The following CCDC187 variants were observed in gnomAD, a reference collection of about 807,000 sequenced individuals.
The protein encoded by CCDC187 is coiled-coil domain-containing protein 187.
A neutral mutation model predicts 38.0 loss-of-function variants in CCDC187; 32 were observed. The ratio of observed to expected loss-of-function variants is 0.84; its 90% CI spans 0.64 to 1.13. The LOEUF (loss-of-function observed/expected upper bound fraction) is 1.13, where lower values mean the gene tolerates loss of function less well. Among genes scored for constraint, CCDC187 ranks in the 50% most tolerant of loss-of-function variants. CCDC187 has a pLI of 0.00. For missense variants in CCDC187, 707 were observed against 786.8 expected (o/e 0.90, Z 1.21); for synonymous variants, 333 against 347.9 (o/e 0.96, Z 0.48).
intron 9 of CCDC187, among the ~76,000 whole-genome samples, chr9:136,283,166 T>TGAGGC (rs1831086922): frequency 6.6e-6 from 1 of 152,154 alleles, no homozygotes; most frequent in Non-Finnish European, 1.5e-5. Context: ...GGAGAATCGC[T>TGAGGC]TGAACTTGGG....
chr9:136,299,177 T>C (rs1433770908), intron 3 of CCDC187, among the ~76,000 whole-genome samples: 1 of 152,150 alleles, frequency 6.6e-6, no homozygotes, highest in Admixed American at 6.5e-5. Context: ...CGGATCTGGA[T>C]GGACAGGAGT....
chr9:136,293,259 TCA>T lies in CCDC187; in HGVS notation c.833-966_833-965del, dbSNP rs1465617780. On this transcript the variant is annotated intron_variant, in intron 4 of 25. Coordinates refer to ENST00000638797, the MANE Select transcript of CCDC187 (RefSeq NM_001378188.1). ...CGCTCACACTCACATGCTTACACAC[TCA>T]CTCATGCTTTCACACTAACATGCTC... Among the ~76,000 whole-genome samples, 3 of 125,862 alleles carry T rather than the reference TCA, an allele frequency of 2.4e-5. 1 individual carries two copies. Among genetic ancestry groups the T allele is most frequent in the Non-Finnish European group, 3.3e-5 (2 of 60,466 alleles). The allele number at this position is 125,862 out of a possible 152,430, so 82.6% of individuals were successfully genotyped here. A position where few individuals can be genotyped will look rare whatever the true frequency, so the allele number is the denominator to read the frequency against.
chr9:136,257,241 C>CG lies in CCDC187; in HGVS notation c.4367-401dup, dbSNP rs1473864077. On this transcript the variant is annotated intron_variant, in intron 22 of 25. Transcript: ENST00000638797. The surrounding 1 kb of genome is among the most constrained non-coding windows in gnomAD (Gnocchi z 4.5). ...TACAAAAATTAGGCGGGCATGGTGG[C>CG]GGGGGCCTATAATTCCAGCTACTCA... Among the ~76,000 whole-genome samples the CG allele has an allele frequency of 5.3e-5, 8 of 152,056 alleles. No individual in the cohort carries two copies. Among genetic ancestry groups the CG allele is most frequent in the Non-Finnish European group, 8.8e-5 (6 of 68,010 alleles).
At chr9:136,273,878 A>G (rs1588658020) in intron 14 of CCDC187, among the ~76,000 whole-genome samples, 1 of 152,252 alleles carries the variant, frequency 6.6e-6, no homozygotes, top group Non-Finnish European at 1.5e-5. Context: ...CTGGGAAGTC[A>G]CCGCATCTGC....
chr9:136,306,076 G>A (rs1052227481), upstream of CCDC187, among the ~76,000 whole-genome samples: 6 of 152,196 alleles, frequency 3.9e-5, no homozygotes, highest in African/African-American at 1.2e-4. Flanking sequence ...TACGAGGCTC[G>A]GGGCTACTCT....
chr9:136,261,151 C>T (rs1830674009), intron 19 of CCDC187, among the ~76,000 whole-genome samples: 1 of 152,148 alleles, frequency 6.6e-6, no homozygotes, highest in African/African-American at 2.4e-5. Flanking sequence ...CAGCTTCTTC[C>T]TCACTCCCGT....
chr9:136,260,077 G>A lies in CCDC187; in HGVS notation c.4210+42C>T, dbSNP rs577972372. On this transcript the variant is annotated intron_variant, in intron 20 of 25. Coordinates refer to ENST00000638797, the MANE Select transcript of CCDC187 (RefSeq NM_001378188.1). ...ACACTGCCCAGGGCCCACTGAATGAGCATCCGTCTGACCCTGGGCGGTCGC... is the reference window on the plus strand; with the variant it reads ...ACACTGCCCAGGGCCCACTGAATGAACATCCGTCTGACCCTGGGCGGTCGC... The A allele has an allele frequency of 6.1e-6, 6 of 985,230 alleles. No individual in the cohort carries two copies. The East Asian group carries it at 5.7e-4, about 93-fold the overall frequency. The allele number at this position is 985,230 out of a possible 1,614,324, so 61.0% of individuals were successfully genotyped here. A position where few individuals can be genotyped will look rare whatever the true frequency, so the allele number is the denominator to read the frequency against.
At position 136,258,505 on chromosome 9, in the gene CCDC187, C is replaced by T. The variant is rs1487623055; in HGVS notation, c.4366+427G>A. On this transcript the variant is annotated intron_variant, in intron 22 of 25. Coordinates refer to ENST00000638797, the MANE Select transcript of CCDC187 (RefSeq NM_001378188.1). The surrounding 1 kb of genome is among the most constrained non-coding windows in gnomAD (Gnocchi z 4.3). ...TTCCCTGACACTGTGAGTGCATCTGCTCCCGCCCCACCTGCAAATTGGGGA... is the reference window on the plus strand; with the variant it reads ...TTCCCTGACACTGTGAGTGCATCTGTTCCCGCCCCACCTGCAAATTGGGGA... Among the ~76,000 whole-genome samples the T allele has an allele frequency of 5.3e-5, 8 of 152,096 alleles. No homozygotes were observed. The East Asian group carries it at 7.8e-4, about 15-fold the overall frequency.
At chr9:136,294,068 ACAC>A (rs1831467876) in intron 4 of CCDC187, among the ~76,000 whole-genome samples, 12 of 145,404 alleles carry the variant, frequency 8.3e-5, no homozygotes, top group Admixed American at 7.5e-4. Flanking sequence ...GTGCTCTCAC[ACAC>A]TCACACGCTC....
intron 3 of CCDC187, among the ~76,000 whole-genome samples, chr9:136,299,734 C>G (rs1016076460): frequency 3.3e-5 from 5 of 152,210 alleles, no homozygotes; most frequent in Non-Finnish European, 7.3e-5. Context: ...GCCCTTGGCC[C>G]CAGCCCCTTC....
chr9:136,292,178 G>C lies in CCDC187; in HGVS notation c.950C>G (p.Ala317Gly), dbSNP rs1255237755. Residue 317 changes from alanine to glycine, a missense_variant, in exon 5 of 26, where the codon GCT becomes GGT. Transcript: ENST00000638797. ...HHSKDPSRDPALTVDLGDSEK... is the reference protein window; with the variant it reads ...HHSKDPSRDPGLTVDLGDSEK... The stretch of plus-strand genomic sequence containing the variant: ...ACAGGTACCTAAGTCCACGGTGAGA[G>C]CCGGGTCTCTCGAGGGATCCTTGCT... 5.0e-6 allele frequency: 2 copies of C among 398,706 alleles called. No homozygotes were observed. Among genetic ancestry groups the C allele is most frequent in the Non-Finnish European group, 8.8e-6 (2 of 226,234 alleles). 24.7% of individuals were successfully genotyped at this position (398,706 alleles called of 1,614,324 possible).
At position 136,251,310 on chromosome 9, in the gene CCDC187, C is replaced by A. The variant is rs1830532957; in HGVS notation, c.*2284G>T. 3.0e-6 allele frequency: 1 copy of A among 332,370 alleles called. No individual in the cohort carries two copies. Among genetic ancestry groups the A allele is most frequent in the Non-Finnish European group, 6.0e-6 (1 of 166,822 alleles). 20.6% of individuals were successfully genotyped at this position (332,370 alleles called of 1,614,324 possible). On this transcript the variant is annotated 3_prime_UTR_variant, in exon 26 of 26. Coordinates refer to ENST00000638797, the MANE Select transcript of CCDC187 (RefSeq NM_001378188.1). The stretch of plus-strand genomic sequence containing the variant: ...CCCTGGCCTTCCAGGCACAGCAAGT[C>A]CTGAGCATGCTCCAGAAGAGACCTT...
chr9:136,298,729 G>A (rs1831597908), intron 3 of CCDC187, among the ~76,000 whole-genome samples: 1 of 152,222 alleles, frequency 6.6e-6, no homozygotes, highest in Non-Finnish European at 1.5e-5. Flanking sequence ...CCCACTCTAT[G>A]CGGTCCCCAG....
Position 136,291,014 on chromosome 9 carries a change from A to G in CCDC187, c.1599T>C (p.Ser533=). The part of the protein sequence containing the change: ...KRSPFPQQPW[S]AVATQPCPRR... Reference sequence around the variant, plus strand: ...GTGGACAGGGCTGTGTGGCTACAGCACTCCAGGGCTGCTGGGGGAAGGGGC... The same window carrying G: ...GTGGACAGGGCTGTGTGGCTACAGCGCTCCAGGGCTGCTGGGGGAAGGGGC... The change falls in exon 6 of 26, where the codon AGT becomes AGC. Residue 533 remains serine, a synonymous_variant. Transcript: ENST00000638797. 1 of 398,288 alleles carries G rather than the reference A, an allele frequency of 2.5e-6. No individual in the cohort carries two copies. Among genetic ancestry groups the G allele is most frequent in the East Asian group, 3.6e-5 (1 of 28,028 alleles). 24.7% of individuals were successfully genotyped at this position (398,288 alleles called of 1,614,324 possible).
intron 10 of CCDC187, among the ~76,000 whole-genome samples, chr9:136,279,960 G>A (rs1831007249): frequency 1.3e-5 from 2 of 149,794 alleles, no homozygotes; most frequent in African/African-American, 4.9e-5. Flanking sequence ...TGTTGATGCA[G>A]CAAGAAGGCC....
At position 136,258,978 on chromosome 9, in the gene CCDC187, G is replaced by A; in HGVS notation, c.4320C>T (p.Leu1440=). 2.0e-6 allele frequency: 2 copies of A among 985,928 alleles called. No homozygotes were observed. The highest frequency in any genetic ancestry group is 2.4e-6 in the Non-Finnish European group (2 of 830,342). The allele number at this position is 985,928 out of a possible 1,614,324, so 61.1% of individuals were successfully genotyped here. A position where few individuals can be genotyped will look rare whatever the true frequency, so the allele number is the denominator to read the frequency against. The change falls in exon 22 of 26, where the codon CTC becomes CTT. Residue 1440 remains leucine, a synonymous_variant. Transcript: ENST00000638797. This position sits in a 1 kb window ranked among gnomAD's most constrained non-coding sequence, Gnocchi z 4.3. ...AFPAEEAEGR[L]PTAQCRSREV... is the part of the protein sequence containing the mutation. ...CCCGAGACCTGCACTGAGCTGTGGG[G>A]AGGCGCCCCTCCGCCTCCTCGGCCT...
chr9:136,283,477 C>A (rs2131262070), intron 9 of CCDC187, among the ~76,000 whole-genome samples: 1 of 152,374 alleles, frequency 6.6e-6, no homozygotes, highest in Non-Finnish European at 1.5e-5. Flanking sequence ...TGGCAGGGCC[C>A]AGCGAGCCTC....
intron 10 of CCDC187, among the ~76,000 whole-genome samples, chr9:136,279,712 G>A (rs1262588307): frequency 6.6e-6 from 1 of 152,214 alleles, no homozygotes; most frequent in Non-Finnish European, 1.5e-5. Flanking sequence ...ACCTCCCTGG[G>A]CTGCACTTTC....
intron 12 of CCDC187, among the ~76,000 whole-genome samples, chr9:136,275,676 C>T (rs1830918512): frequency 6.6e-6 from 1 of 152,182 alleles, no homozygotes; most frequent in Admixed American, 6.5e-5. Flanking sequence ...GGTCACCGCT[C>T]CTCGGACTGG....
Sources: allele counts gnomAD v4.1 joint callset (sites outside exome capture counted in the v4.1 genomes callset), GRCh38; gene constraint gnomAD v4.1.1; non-coding constraint Gnocchi (gnomAD v3.1); transcripts MANE v1.5; gene names NCBI Gene and HGNC (gene_info 2026-07-23, HGNC 2026-07-21).